KIAA1328: variants seen among roughly 807,000 people sequenced by gnomAD.
KIAA1328 encodes protein hinderin.
Under a neutral mutation model 68.1 loss-of-function variants are expected in KIAA1328, and 52 were observed. The ratio of observed to expected loss-of-function variants is 0.76; its 90% CI spans 0.61 to 0.96. The LOEUF (loss-of-function observed/expected upper bound fraction) is 0.96, where lower values mean the gene tolerates loss of function less well. Ranked by LOEUF, KIAA1328 falls within the 40% of genes least tolerant of loss-of-function variation. The pLI, the probability that KIAA1328 is intolerant of heterozygous loss-of-function variation, is 0.00. For synonymous variants in KIAA1328, 232 were observed against 239.4 expected (o/e 0.97, Z 0.28); for missense variants, 641 against 677.6 (o/e 0.95, Z 0.60).
intron 7 of KIAA1328, among the ~76,000 whole-genome samples, chr18:37,093,999 A>G (rs1216996525): frequency 2.0e-5 from 3 of 152,216 alleles, no homozygotes; most frequent in Admixed American, 2.0e-4. Context: ...GCATGAGGAA[A>G]TGGTTTCATG....
At chr18:37,141,834 T>C (rs1162488040) in intron 7 of KIAA1328, among the ~76,000 whole-genome samples, 1 of 152,252 alleles carries the variant, frequency 6.6e-6, no homozygotes, top group East Asian at 1.9e-4. Flanking sequence ...CTCCTGATGA[T>C]GTTTATTGGC....
rs2060602965 is a variant in KIAA1328, at chr18:37,223,684, A to G, written c.*1457A>G. ...GCAGCGAGTCTGCGTGGCTTCCCTG[A>G]ATTACTCTTTTAATTAAAACTAGAT... On this transcript the variant is annotated 3_prime_UTR_variant, in exon 10 of 10. Coordinates refer to ENST00000280020, the MANE Select transcript of KIAA1328 (RefSeq NM_020776.3). The G allele has an allele frequency of 3.0e-6, 3 of 985,346 alleles. No individual in the cohort carries two copies. Among genetic ancestry groups the G allele is most frequent in the Non-Finnish European group, 3.6e-6 (3 of 829,918 alleles). The allele number at this position is 985,346 out of a possible 1,614,324, so 61.0% of individuals were successfully genotyped here.
intron 5 of KIAA1328, chr18:36,946,551 C>T (rs895904667): frequency 6.6e-6 from 1 of 152,188 alleles, no homozygotes; most frequent in African/African-American, 2.4e-5. Flanking sequence ...TTAAGGAATG[C>T]TGCTCTAGTG....
At chr18:36,992,451 C>CTTTTTTTTTTTTTTTTTTTTT (rs71168252) in intron 6 of KIAA1328, among the ~76,000 whole-genome samples, 3 of 130,092 alleles carry the variant, frequency 2.3e-5, no homozygotes, top group African/African-American at 1.0e-4. Context: ...TCTTTTCTTT[C>CTTTTTTTTTTTTTTTTTTTTT]TTTTTTTTTT....
intron 7 of KIAA1328, among the ~76,000 whole-genome samples, chr18:37,105,440 A>G (rs975842696): frequency 9.6e-5 from 14 of 145,792 alleles, no homozygotes; most frequent in Admixed American, 2.1e-4. Context: ...ATAGTAAGCT[A>G]TGAATGCTGC....
At chr18:36,949,193 G>C (rs1361266366) in intron 5 of KIAA1328, among the ~76,000 whole-genome samples, 2 of 152,014 alleles carry the variant, frequency 1.3e-5, no homozygotes, top group Non-Finnish European at 2.9e-5. Context: ...CTTTCCAAAA[G>C]GGTAAAATAT....
intron 7 of KIAA1328, among the ~76,000 whole-genome samples, chr18:37,111,037 G>A (rs1229280449): frequency 6.6e-6 from 1 of 152,122 alleles, no homozygotes; most frequent in African/African-American, 2.4e-5. Flanking sequence ...CCTGAGCCCT[G>A]GGCTATTTGA....
At chr18:36,928,522 T>C (rs2050201583) in intron 5 of KIAA1328, among the ~76,000 whole-genome samples, 1 of 152,248 alleles carries the variant, frequency 6.6e-6, no homozygotes, top group African/African-American at 2.4e-5. Context: ...TTTTATTGTT[T>C]GTAGTTTTCA....
intron 7 of KIAA1328, among the ~76,000 whole-genome samples, chr18:37,142,965 T>G (rs1369562441): frequency 6.6e-6 from 1 of 151,622 alleles, no homozygotes; most frequent in African/African-American, 2.4e-5. Context: ...GTTTTTTTTT[T>G]GTTTTTTAAG....
At position 37,223,754 on chromosome 18, in the gene KIAA1328, A is replaced by G. The variant is rs1250832513; in HGVS notation, c.*1527A>G. On this transcript the variant is annotated 3_prime_UTR_variant, in exon 10 of 10. Transcript: ENST00000280020. ...CTTGTTGAGCAGCCTCCTTATCCAG[A>G]TAGATCCAAAGCTCATGTCTCTTCA... The G allele has an allele frequency of 2.0e-5, 20 of 985,264 alleles. No individual in the cohort carries two copies. Among genetic ancestry groups the G allele is most frequent in the Non-Finnish European group, 2.2e-5 (18 of 829,922 alleles). The allele number at this position is 985,264 out of a possible 1,614,324, so 61.0% of individuals were successfully genotyped here. A position where few individuals can be genotyped will look rare whatever the true frequency, so the allele number is the denominator to read the frequency against.
At chr18:37,040,143 T>G (rs2151619480) in intron 6 of KIAA1328, among the ~76,000 whole-genome samples, 1 of 152,340 alleles carries the variant, frequency 6.6e-6, no homozygotes, top group Middle Eastern at 3.4e-3. Context: ...TTTAAGGGCT[T>G]GTGTGATTAG....
intron 1 of KIAA1328, 22 bp downstream of exon 1, chr18:36,829,218 G>A (rs752471320): frequency 1.3e-6 from 2 of 1,502,572 alleles, no homozygotes; most frequent in South Asian, 1.3e-5. Context: ...CCGCCTGACA[G>A]GGGGCGCCGG....
At chr18:37,207,483 T>C (rs1292754868) in intron 9 of KIAA1328, among the ~76,000 whole-genome samples, 2 of 152,234 alleles carry the variant, frequency 1.3e-5, no homozygotes, top group Admixed American at 6.5e-5. Flanking sequence ...CAAGGTCATG[T>C]ATATGTTTTA....
intron 5 of KIAA1328, among the ~76,000 whole-genome samples, chr18:36,927,268 G>C (rs2050152681): frequency 6.6e-6 from 1 of 152,164 alleles, no homozygotes; most frequent in Non-Finnish European, 1.5e-5. Context: ...AACTGAATAA[G>C]GGTATATGGG....
intron 3 of KIAA1328, among the ~76,000 whole-genome samples, chr18:36,840,793 T>G (rs1162477446): frequency 6.6e-6 from 1 of 152,176 alleles, no homozygotes; most frequent in Non-Finnish European, 1.5e-5. Flanking sequence ...TTGGTATTGA[T>G]GTTGAGTATC....
rs1486571611 is a variant in KIAA1328 at position 37,079,180 on chromosome 18, G to A, written c.1232+11635G>A. Among the ~76,000 whole-genome samples, 3 of 118,850 alleles carry A rather than the reference G, an allele frequency of 2.5e-5. 1 individual carries two copies. Among genetic ancestry groups the A allele is most frequent in the Non-Finnish European group, 5.0e-5 (3 of 59,876 alleles). 78.0% of individuals were successfully genotyped at this position (118,850 alleles called of 152,430 possible). A position where few individuals can be genotyped will look rare whatever the true frequency, so the allele number is the denominator to read the frequency against. ...AAATGATGAGTTCATGTCCTTTGTA[G>A]GGACATGGATGAAGCTGGAAACCAT... On this transcript the variant is annotated intron_variant, in intron 7 of 9. Transcript: ENST00000280020.
At chr18:36,866,127 A>G (rs1464235845) in intron 4 of KIAA1328, among the ~76,000 whole-genome samples, 1 of 152,084 alleles carries the variant, frequency 6.6e-6, no homozygotes, top group Non-Finnish European at 1.5e-5. Context: ...TCCTGCATAG[A>G]TCCGCTCCTC....
chr18:37,104,327 A>C (rs1193359228), intron 7 of KIAA1328, among the ~76,000 whole-genome samples: 1 of 152,238 alleles, frequency 6.6e-6, no homozygotes, highest in Non-Finnish European at 1.5e-5. Context: ...AAATACCATT[A>C]AGCTGTAAAA....
At chr18:36,837,040 T>C (rs1448933782) in intron 3 of KIAA1328, among the ~76,000 whole-genome samples, 4 of 152,210 alleles carry the variant, frequency 2.6e-5, no homozygotes, top group Non-Finnish European at 4.4e-5. Context: ...CTAGCTATTA[T>C]GAATAATTCT....
Sources: gnomAD v4.1 joint callset for allele counts (sites outside exome capture counted in the v4.1 genomes callset) on GRCh38, gnomAD v4.1.1 for gene constraint, MANE v1.5 for transcripts, NCBI Gene and HGNC (gene_info 2026-07-23, HGNC 2026-07-21) for gene names.